Variants in PTPRM observed in about 807,000 individuals in gnomAD.
PTPRM encodes the protein protein tyrosine phosphatase receptor type M, also known as receptor-type tyrosine-protein phosphatase mu.
A neutral mutation model predicts 186.7 loss-of-function variants in PTPRM; 47 were observed. The ratio of observed to expected loss-of-function variants is 0.25; its 90% CI spans 0.20 to 0.32. The LOEUF is 0.32. PTPRM is among the 10% of genes least tolerant of loss of function. The pLI is 1.00. For missense variants in PTPRM, 1,494 were observed against 1,865.0 expected, an observed-to-expected ratio of 0.80 and a Z score of 3.66; for synonymous variants, 668 against 674.9, an observed-to-expected ratio of 0.99 and a Z score of 0.16.
intron 1 of PTPRM, among the ~76,000 whole-genome samples, chr18:7,632,944 C>T (rs1639724586): frequency 6.6e-6 from 1 of 152,164 alleles, no homozygotes; most frequent in Admixed American, 6.6e-5. Context: ...TGATGCTGCA[C>T]ATCCTAATGC....
intron 1 of PTPRM, among the ~76,000 whole-genome samples, chr18:7,703,842 T>C (rs1051296488): frequency 6.6e-6 from 1 of 152,148 alleles, no homozygotes; most frequent in Non-Finnish European, 1.5e-5. Context: ...TTTGAGATAC[T>C]TTCCATCAAT....
At chr18:8,185,351 C>T (rs2093628454) in intron 14 of PTPRM, among the ~76,000 whole-genome samples, 2 of 152,190 alleles carry the variant, frequency 1.3e-5, no homozygotes, top group Non-Finnish European at 2.9e-5. Context: ...GGAGCCCCAC[C>T]AGGAGGCACC....
intron 7 of PTPRM, among the ~76,000 whole-genome samples, chr18:7,972,854 T>A (rs1483178848): frequency 6.6e-6 from 1 of 152,162 alleles, no homozygotes; most frequent in Non-Finnish European, 1.5e-5. Flanking sequence ...TTTGTGTTTA[T>A]CCTTCAACAT....
In PTPRM at chr18:7,875,295, G is replaced by A. The variant is rs956347482; in HGVS notation, c.197-12811G>A. On this transcript the variant is annotated intron_variant, in intron 2 of 32. Transcript: ENST00000580170. ...TATGGTGTATCCTAGGATACTATGC[G>A]TATCAGTGAAACATTCTTGGTAACG... is the stretch of plus-strand genomic sequence containing the variant. Among the ~76,000 whole-genome samples the A allele has an allele frequency of 4.0e-5, 6 of 151,846 alleles. No individual in the cohort carries two copies. In the East Asian group the frequency reaches 5.8e-4, roughly 15 times the overall value.
intron 7 of PTPRM, among the ~76,000 whole-genome samples, chr18:7,994,698 G>A (rs1447859794): frequency 6.6e-6 from 1 of 152,060 alleles, no homozygotes; most frequent in Non-Finnish European, 1.5e-5. Context: ...AAAAAATATG[G>A]AAGTTAAATA....
At chr18:8,312,831 GA>G (rs2095279642) in intron 20 of PTPRM, among the ~76,000 whole-genome samples, 1 of 152,060 alleles carries the variant, frequency 6.6e-6, no homozygotes, top group Non-Finnish European at 1.5e-5. Flanking sequence ...CCACATTCCA[GA>G]TAAACTTATT....
intron 11 of PTPRM, among the ~76,000 whole-genome samples, chr18:8,096,373 C>T (rs1040909889): frequency 6.6e-6 from 1 of 152,210 alleles, no homozygotes; most frequent in African/African-American, 2.4e-5. Flanking sequence ...ACAGTGGAGG[C>T]CACACCTTGC....
chr18:7,577,527 G>C (rs2036719906), intron 1 of PTPRM, among the ~76,000 whole-genome samples: 1 of 152,122 alleles, frequency 6.6e-6, no homozygotes, highest in African/African-American at 2.4e-5. Context: ...TACCTACACA[G>C]AGCTCAGACA....
At chr18:7,585,764 G>T (rs569954439) in intron 1 of PTPRM, among the ~76,000 whole-genome samples, 5 of 152,150 alleles carry the variant, frequency 3.3e-5, no homozygotes, top group Admixed American at 2.6e-4. Flanking sequence ...TGGCCAGGCC[G>T]CTTGTCATCG....
At chr18:8,240,462 A>AGGGAGGGAGG (rs1555813159) in intron 14 of PTPRM, among the ~76,000 whole-genome samples, 4 of 62,062 alleles carry the variant, frequency 6.4e-5, no homozygotes, top group African/African-American at 2.4e-4. Flanking sequence ...AGAGAGAGAG[A>AGGGAGGGAGG]GAGGGAGGGA....
intron 30 of PTPRM, among the ~76,000 whole-genome samples, chr18:8,385,081 G>C (rs146215211): frequency 2.6e-5 from 4 of 152,032 alleles, no homozygotes; most frequent in Admixed American, 6.6e-5. Flanking sequence ...AGTAAGGGGG[G>C]TTCTGGCTAA....
At chr18:8,109,479 G>A (rs1218992648) in intron 11 of PTPRM, among the ~76,000 whole-genome samples, 6 of 152,124 alleles carry the variant, frequency 3.9e-5, no homozygotes, top group Non-Finnish European at 7.4e-5. Flanking sequence ...GTGGATAGTA[G>A]CCATTTAAAA....
Position 7,926,620 on chromosome 18 carries a change from G to A in PTPRM, c.600G>A (p.Gln200=). ...AGAATGTGGAAGTTAATGCTGGCCA[G>A]TTTGCTACCTTCCAGTGCAGTGCCA... ...RIQNVEVNAG[Q]FATFQCSAIG... is the part of the protein sequence containing the mutation. The change falls in exon 5 of 33, where the codon CAG becomes CAA. Residue 200 remains glutamine, a synonymous_variant. Transcript: ENST00000580170. The A allele has an allele frequency of 6.2e-7, 1 of 1,613,784 alleles. No homozygotes were observed. Among genetic ancestry groups the A allele is most frequent in the Non-Finnish European group, 8.5e-7 (1 of 1,179,982 alleles).
chr18:8,254,124 C>A (rs2094553921), intron 19 of PTPRM, among the ~76,000 whole-genome samples: 2 of 152,200 alleles, frequency 1.3e-5, no homozygotes, highest in South Asian at 4.1e-4. Context: ...GACAGCAGTA[C>A]AGGGACTGGC....
At chr18:7,842,861 C>T (rs1232565636) in intron 2 of PTPRM, among the ~76,000 whole-genome samples, 6 of 80,906 alleles carry the variant, frequency 7.4e-5, no homozygotes, top group Non-Finnish European at 1.1e-4. Context: ...GAGAGAGAAA[C>T]ATATATATAT....
chr18:7,826,140 G>C (rs938118249), intron 2 of PTPRM, among the ~76,000 whole-genome samples: 13 of 152,326 alleles, frequency 8.5e-5, no homozygotes, highest in African/African-American at 3.1e-4. Context: ...GGCTCTGTTA[G>C]GTGGTGTGAG....
At chr18:7,841,367 C>G (rs1244009479) in intron 2 of PTPRM, among the ~76,000 whole-genome samples, 1 of 132,868 alleles carries the variant, frequency 7.5e-6, no homozygotes, top group Non-Finnish European at 1.5e-5. Context: ...TCTCAGCTTA[C>G]TGCAAGCTCC....
At chr18:7,703,296 C>G (rs2040004963) in intron 1 of PTPRM, among the ~76,000 whole-genome samples, 2 of 152,136 alleles carry the variant, frequency 1.3e-5, no homozygotes, top group Admixed American at 1.3e-4. Context: ...TTCTTCCCAT[C>G]CATGATGAGC....
intron 1 of PTPRM, among the ~76,000 whole-genome samples, chr18:7,711,370 C>G (rs1462489308): frequency 6.6e-5 from 10 of 152,208 alleles, no homozygotes; most frequent in Non-Finnish European, 1.3e-4. Flanking sequence ...GCCTACACCA[C>G]CAGAGCCCTG....
Sources: gnomAD v4.1 joint callset for allele counts (sites outside exome capture counted in the v4.1 genomes callset) on GRCh38, gnomAD v4.1.1 for gene constraint, MANE v1.5 for transcripts, NCBI Gene and HGNC (gene_info 2026-07-23, HGNC 2026-07-21) for gene names.